Variants in DPP10 observed in about 807,000 individuals in gnomAD.
DPP10 encodes inactive dipeptidyl peptidase 10.
In DPP10, 33 loss-of-function variants were observed where a neutral mutation model predicts 120.9. That is an observed-to-expected ratio of 0.27 (90% CI 0.21 to 0.37). The LOEUF is 0.37. Ranked by LOEUF, DPP10 falls within the 10% of genes least tolerant of loss-of-function variation. The probability of loss-of-function intolerance (pLI) is 1.00; values close to 1 mark genes in which losing one functional copy is unlikely to be tolerated. For synonymous variants in DPP10, 337 were observed against 326.1 expected (o/e 1.03, Z -0.36); for missense variants, 816 against 942.8 (o/e 0.87, Z 1.76).
chr2:114,595,504 C>T (rs1242405088), intron 1 of DPP10, among the ~76,000 whole-genome samples: 1 of 152,100 alleles, frequency 6.6e-6, no homozygotes, highest in African/African-American at 2.4e-5. Flanking sequence ...TTCTGCACCT[C>T]AAGAAAAGTA....
intron 1 of DPP10, among the ~76,000 whole-genome samples, chr2:114,791,859 T>C (rs1683276524): frequency 6.6e-6 from 1 of 152,224 alleles, no homozygotes; most frequent in Non-Finnish European, 1.5e-5. Flanking sequence ...TGATTTAGAA[T>C]GTTAGGAAAC....
chr2:114,961,764 G>A (rs1241945953), intron 1 of DPP10, among the ~76,000 whole-genome samples: 1 of 152,042 alleles, frequency 6.6e-6, no homozygotes. Flanking sequence ...GACCAGTCTG[G>A]CCAACATGGT....
chr2:115,435,051 C>CACAT (rs1553409826), intron 3 of DPP10, among the ~76,000 whole-genome samples: 59 of 148,196 alleles, frequency 4.0e-4, no homozygotes, highest in Admixed American at 6.8e-4. Flanking sequence ...CACATGCACA[C>CACAT]ATATATATAT....
At chr2:114,444,098 G>A (rs1677811453) in intron 1 of DPP10, among the ~76,000 whole-genome samples, 1 of 152,108 alleles carries the variant, frequency 6.6e-6, no homozygotes, top group African/African-American at 2.4e-5. Context: ...CTGAAATCAT[G>A]CAGAACTCAT....
Position 114,875,346 on chromosome 2 carries a change from A to C in DPP10, c.60+432508A>C, listed in dbSNP as rs28645866. 1.2e-3 allele frequency among the ~76,000 whole-genome samples: 183 copies of C among 152,286 alleles called. 1 individual carries two copies. Among genetic ancestry groups the C allele is most frequent in the Middle Eastern group, 6.8e-3 (2 of 294 alleles). ...AGCCATTTGGGACAGCAGACCACAA[A>C]TGAATAAATTACAACCTAGCATAGT... On this transcript the variant is annotated intron_variant, in intron 1 of 25. Coordinates refer to ENST00000410059, the MANE Select transcript of DPP10 (RefSeq NM_020868.6).
In DPP10 at chr2:115,168,028, CAG is replaced by C. The variant is rs138755778; in HGVS notation, c.61-141210_61-141209del. Among the ~76,000 whole-genome samples, 813 of 152,004 alleles carry C rather than the reference CAG, an allele frequency of 5.3e-3. 7 individuals carry two copies. The highest frequency in any genetic ancestry group is 0.018 in the African/African-American group (755 of 41,466). The stretch of plus-strand genomic sequence containing the variant: ...ACAGATGGGATTTATAGAAATATGT[CAG>C]GGGGTGAGATTTCAGTCAATGTAGC... On this transcript the variant is annotated intron_variant, in intron 1 of 25. Transcript: ENST00000410059.
intron 3 of DPP10, among the ~76,000 whole-genome samples, chr2:115,410,519 G>A (rs2068867947): frequency 6.6e-6 from 1 of 152,174 alleles, no homozygotes; most frequent in Non-Finnish European, 1.5e-5. Flanking sequence ...CCTAATGGAT[G>A]TTGGGCTGAA....
At chr2:114,480,695 C>T (rs1161394395) in intron 1 of DPP10, among the ~76,000 whole-genome samples, 9 of 103,418 alleles carry the variant, frequency 8.7e-5, no homozygotes, top group South Asian at 3.1e-4. Flanking sequence ...CATCACACAC[C>T]GGGGACTGTT....
At chr2:115,314,314 C>T (rs141808187) in intron 2 of DPP10, among the ~76,000 whole-genome samples, 4 of 152,222 alleles carry the variant, frequency 2.6e-5, no homozygotes, top group East Asian at 1.9e-4. Context: ...CGGTCAATGC[C>T]GAGACAGAGT....
intron 1 of DPP10, among the ~76,000 whole-genome samples, chr2:114,896,511 T>A (rs959609477): frequency 3.1e-4 from 47 of 151,696 alleles, no homozygotes; most frequent in Non-Finnish European, 6.2e-4. Flanking sequence ...TGAATGGGAG[T>A]TCACTCATGA....
At chr2:114,599,814 C>T (rs952194551) in intron 1 of DPP10, among the ~76,000 whole-genome samples, 9 of 151,508 alleles carry the variant, frequency 5.9e-5, no homozygotes, top group South Asian at 4.1e-4. Flanking sequence ...ATGTTTAGAG[C>T]GGGTATTCAT....
intron 1 of DPP10, among the ~76,000 whole-genome samples, chr2:115,173,809 C>A (rs1018883968): frequency 6.6e-6 from 1 of 152,170 alleles, no homozygotes; most frequent in East Asian, 1.9e-4. Context: ...AGGAATCTTA[C>A]AACCGACTAT....
intron 21 of DPP10, among the ~76,000 whole-genome samples, chr2:115,822,493 C>T (rs1335435307): frequency 6.6e-6 from 1 of 151,856 alleles, no homozygotes; most frequent in African/African-American, 2.4e-5. Context: ...GAAAATACAC[C>T]ATAGGGATTT....
chr2:114,801,262 CAAAAAAAA>C (rs1174819592), intron 1 of DPP10, among the ~76,000 whole-genome samples: 3 of 59,686 alleles, frequency 5.0e-5, no homozygotes, highest in African/African-American at 1.7e-4. Context: ...GACTCTGTAT[CAAAAAAAA>C]AAAAAAAAAG....
chr2:114,585,394 G>T (rs760839524), intron 1 of DPP10, among the ~76,000 whole-genome samples: 2 of 152,150 alleles, frequency 1.3e-5, no homozygotes, highest in Non-Finnish European at 2.9e-5. Flanking sequence ...GCCAGATTCA[G>T]ACTTGAAGGG....
chr2:115,084,926 C>G (rs1708570012), intron 1 of DPP10, among the ~76,000 whole-genome samples: 2 of 152,160 alleles, frequency 1.3e-5, no homozygotes. Context: ...TATTTTTATT[C>G]TTCTTGGTTA....
chr2:115,149,191 T>C (rs1383173437), intron 1 of DPP10, among the ~76,000 whole-genome samples: 4 of 152,188 alleles, frequency 2.6e-5, no homozygotes, highest in South Asian at 2.1e-4. Context: ...TTTGCAACAC[T>C]ATAGGTAGCA....
At chr2:115,510,256 T>C (rs1310391456) in intron 4 of DPP10, among the ~76,000 whole-genome samples, 2 of 152,158 alleles carry the variant, frequency 1.3e-5, no homozygotes, top group Admixed American at 6.6e-5. Flanking sequence ...GACTAACTTC[T>C]TTTTGTGTGT....
chr2:115,196,709 C>T (rs2055300056), intron 1 of DPP10, among the ~76,000 whole-genome samples: 1 of 152,158 alleles, frequency 6.6e-6, no homozygotes, highest in Non-Finnish European at 1.5e-5. Context: ...AGGCCTCTGA[C>T]CATGTTCTTT....
Sources: gnomAD v4.1 joint callset for allele counts (sites outside exome capture counted in the v4.1 genomes callset) on GRCh38, gnomAD v4.1.1 for gene constraint, MANE v1.5 for transcripts, NCBI Gene and HGNC (gene_info 2026-07-23, HGNC 2026-07-21) for gene names.